Variants in GARRE1 observed in about 807,000 individuals in gnomAD.
The protein encoded by GARRE1 is granule associated Rac and RHOG effector 1.
Under a neutral mutation model 103.2 loss-of-function variants are expected in GARRE1, and 49 were observed. The ratio of observed to expected loss-of-function variants is 0.47; its 90% CI spans 0.38 to 0.60. GARRE1 has a LOEUF of 0.60. Ranked by LOEUF, GARRE1 falls within the 20% of genes least tolerant of loss-of-function variation. The pLI is 0.00. For missense variants in GARRE1, 1,199 were observed against 1,370.5 expected, an observed-to-expected ratio of 0.87 and a Z score of 1.98; for synonymous variants, 505 against 532.8, an observed-to-expected ratio of 0.95 and a Z score of 0.72.
intron 1 of GARRE1, among the ~76,000 whole-genome samples, chr19:34,262,286 G>GTT (rs1280386239): frequency 2.6e-5 from 1 of 38,540 alleles, no homozygotes; most frequent in African/African-American, 7.1e-5. Flanking sequence ...CCCAGCTGCT[G>GTT]CTTTTTTTTT....
intron 6 of GARRE1, among the ~76,000 whole-genome samples, chr19:34,328,795 A>G (rs1216858121): frequency 2.0e-5 from 3 of 151,874 alleles, no homozygotes; most frequent in Non-Finnish European, 4.4e-5. Flanking sequence ...TTTAGTAGAG[A>G]CGGGGTTTTA....
intron 1 of GARRE1, among the ~76,000 whole-genome samples, chr19:34,294,435 A>C (rs1274862481): frequency 6.6e-6 from 1 of 151,922 alleles, no homozygotes; most frequent in African/African-American, 2.4e-5. Flanking sequence ...AAAGCAAAAA[A>C]AAAAAGTGAA....
intron 2 of GARRE1, among the ~76,000 whole-genome samples, chr19:34,307,091 C>T (rs2074010510): frequency 6.6e-6 from 1 of 152,040 alleles, no homozygotes; most frequent in South Asian, 2.1e-4. Context: ...CAGGAAAGAA[C>T]CTGCTGTGGC....
rs891453879 is a variant in GARRE1, at chr19:34,339,786, G to A, written c.1362-81G>A. On this transcript the variant is annotated intron_variant, in intron 8 of 13. Coordinates refer to ENST00000299505, the MANE Select transcript of GARRE1 (RefSeq NM_014686.5). ...TGGGCGCCAGAGGTACATAAAAGTT[G>A]TAGCCTTTTCTATGAGACCTGCTTG... 1.7e-5 allele frequency: 27 copies of A among 1,569,614 alleles called. No homozygotes were observed. In the South Asian group the frequency reaches 3.0e-4, roughly 18 times the overall value.
chr19:34,344,386 C>T (rs1401809909), intron 10 of GARRE1, among the ~76,000 whole-genome samples: 1 of 151,770 alleles, frequency 6.6e-6, no homozygotes, highest in Non-Finnish European at 1.5e-5. Flanking sequence ...GTCAGGAGAT[C>T]GAGACCATCC....
intron 3 of GARRE1, among the ~76,000 whole-genome samples, chr19:34,326,782 CACATATATATGTGTGTATAT>C (rs2074113832): frequency 6.6e-6 from 1 of 151,572 alleles, no homozygotes; most frequent in Non-Finnish European, 1.5e-5. Flanking sequence ...AGTATATACA[CACATATATATGTGTGTATAT>C]ACATATATAT....
At chr19:34,351,650 C>T (rs1599786416) in intron 13 of GARRE1, 58 bp downstream of exon 13, 1 of 1,201,320 alleles carries the variant, frequency 8.3e-7, no homozygotes, top group East Asian at 2.4e-5. Flanking sequence ...CTGCAGTTTT[C>T]AGAGGGCCTC....
chr19:34,345,123 C>T (rs926687287), intron 10 of GARRE1, among the ~76,000 whole-genome samples: 1 of 152,202 alleles, frequency 6.6e-6, no homozygotes, highest in Admixed American at 6.5e-5. Context: ...CAGGCATGAG[C>T]CACCGCGCCC....
intron 6 of GARRE1, among the ~76,000 whole-genome samples, chr19:34,329,487 T>G (rs1023319157): frequency 6.6e-6 from 1 of 151,950 alleles, no homozygotes; most frequent in South Asian, 2.1e-4. Context: ...TCTCTGAGAG[T>G]GATTGATGAT....
At chr19:34,260,914 T>C (rs955999176) in intron 1 of GARRE1, among the ~76,000 whole-genome samples, 2 of 152,176 alleles carry the variant, frequency 1.3e-5, no homozygotes, top group Admixed American at 6.5e-5. Context: ...TGGGAGAGGA[T>C]TGGGACAGTG....
At chr19:34,255,110 TC>T (rs1427889976) in intron 1 of GARRE1, among the ~76,000 whole-genome samples, 1 of 151,920 alleles carries the variant, frequency 6.6e-6, no homozygotes, top group East Asian at 1.9e-4. Context: ...GCGCGCACCT[TC>T]CCGGCGGCGC....
At chr19:34,313,417 C>G (rs1454360137) in intron 2 of GARRE1, among the ~76,000 whole-genome samples, 5 of 152,174 alleles carry the variant, frequency 3.3e-5, no homozygotes. Flanking sequence ...CAAGATTTGC[C>G]ATGGTTACAC....
intron 11 of GARRE1, chr19:34,348,814 A>G (rs1238684273): frequency 1.7e-6 from 1 of 594,930 alleles, no homozygotes; most frequent in Non-Finnish European, 2.9e-6. Flanking sequence ...TAGGCTTCTT[A>G]GAGGAATAAA....
chr19:34,340,761 G>T (rs756669625), intron 9 of GARRE1, among the ~76,000 whole-genome samples: 2 of 152,106 alleles, frequency 1.3e-5, no homozygotes, highest in Non-Finnish European at 2.9e-5. Context: ...GACCTCAAGT[G>T]CCTGCCTCGG....
chr19:34,309,493 T>G (rs1674658806), intron 2 of GARRE1, among the ~76,000 whole-genome samples: 1 of 152,098 alleles, frequency 6.6e-6, no homozygotes, highest in African/African-American at 2.4e-5. Context: ...TTAATGGAAT[T>G]GAAACTTTTA....
chr19:34,352,137 C>T (rs188622422), intron 13 of GARRE1, among the ~76,000 whole-genome samples: 2 of 150,664 alleles, frequency 1.3e-5, no homozygotes, highest in African/African-American at 2.4e-5. Context: ...GCAGTGGCGA[C>T]GCCTGTAATC....
At chr19:34,294,266 A>G (rs2073934767) in intron 1 of GARRE1, among the ~76,000 whole-genome samples, 1 of 151,898 alleles carries the variant, frequency 6.6e-6, no homozygotes, top group Admixed American at 6.6e-5. Flanking sequence ...CAAAAAAAAA[A>G]AAAGAAAATT....
chr19:34,342,347 G>A lies in GARRE1; in HGVS notation c.2413G>A (p.Val805Ile). The change falls in exon 10 of 14, where the codon GTT (valine) becomes ATT (isoleucine). Residue 805 changes from valine to isoleucine, a missense_variant. By Grantham distance (29) the Val-to-Ile change is conservative. Coordinates refer to ENST00000299505, the MANE Select transcript of GARRE1 (RefSeq NM_014686.5). Reference sequence around the variant, plus strand: ...CTATATGGATAATGTGATGTCAGAGGTTCTGGGACAGAAGCCGCAGGGACC... The same window carrying A: ...CTATATGGATAATGTGATGTCAGAGATTCTGGGACAGAAGCCGCAGGGACC... ...SSYMDNVMSE[V>I]LGQKPQGPRN... The A allele has an allele frequency of 3.1e-6, 5 of 1,614,162 alleles. No individual in the cohort carries two copies. Among genetic ancestry groups the A allele is most frequent in the Non-Finnish European group, 4.2e-6 (5 of 1,180,034 alleles).
chr19:34,269,281 G>A (rs182506922), intron 1 of GARRE1, among the ~76,000 whole-genome samples: 7 of 152,318 alleles, frequency 4.6e-5, no homozygotes, highest in Admixed American at 3.9e-4. Context: ...CATGAGATTG[G>A]TAGCGAGCCG....
Sources: allele counts gnomAD v4.1 joint callset (sites outside exome capture counted in the v4.1 genomes callset), GRCh38; gene constraint gnomAD v4.1.1; transcripts MANE v1.5; gene names NCBI Gene and HGNC (gene_info 2026-07-23, HGNC 2026-07-21).